The following B4GALT5 variants were observed in gnomAD, a reference collection of about 807,000 sequenced individuals.
The protein encoded by B4GALT5 is UDP-Gal:beta-GlcNAc beta-1,4-galactosyltransferase 5.
Under a neutral mutation model 45.0 loss-of-function variants are expected in B4GALT5, and 11 were observed. The observed-to-expected ratio is 0.24, with a 90% CI of 0.15 to 0.40. The LOEUF (loss-of-function observed/expected upper bound fraction) is 0.40, where lower values mean the gene tolerates loss of function less well. Ranked by LOEUF, B4GALT5 falls within the 10% of genes least tolerant of loss-of-function variation. The probability of loss-of-function intolerance (pLI) is 1.00; values close to 1 mark genes in which losing one functional copy is unlikely to be tolerated. For missense variants in B4GALT5, 337 were observed against 500.2 expected, an observed-to-expected ratio of 0.67 and a Z score of 3.11; for synonymous variants, 185 against 182.9, an observed-to-expected ratio of 1.01 and a Z score of -0.09.
chr20:49,689,736 G>A (rs982847390), intron 1 of B4GALT5, among the ~76,000 whole-genome samples: 1 of 152,022 alleles, frequency 6.6e-6, no homozygotes, highest in Non-Finnish European at 1.5e-5. Context: ...CAATGAATAG[G>A]TGTGCATTTG....
intron 1 of B4GALT5, among the ~76,000 whole-genome samples, chr20:49,680,187 A>G (rs1391231527): frequency 6.6e-6 from 1 of 152,192 alleles, no homozygotes; most frequent in African/African-American, 2.4e-5. Flanking sequence ...TTATTTTACT[A>G]GTAGCACAAA....
At chr20:49,687,965 A>C (rs1190388316) in intron 1 of B4GALT5, among the ~76,000 whole-genome samples, 1 of 152,158 alleles carries the variant, frequency 6.6e-6, no homozygotes. Context: ...ACAATCCGGA[A>C]GGGTAAACCC....
Position 49,637,440 on chromosome 20 carries a change from A to G in B4GALT5, c.920T>C (p.Val307Ala). The G allele has an allele frequency of 6.2e-7, 1 of 1,611,376 alleles. No homozygotes were observed. Among genetic ancestry groups the G allele is most frequent in the East Asian group, 2.2e-5 (1 of 44,866 alleles). ...GCTCACAGAATAGCCTGCATTCTGT[A>G]CTCTGTCCAAGACCAAGAGAACAGG... ...GGEDDDLWNR[V>A]QNAGYSVSRP... Residue 307 changes from valine (V) to alanine (A), a missense_variant and splice_region_variant, in exon 8 of 9, where the codon GTA (valine) becomes GCA (alanine). Transcript: ENST00000371711.
intron 1 of B4GALT5, among the ~76,000 whole-genome samples, chr20:49,707,816 G>C (rs2085890716): frequency 6.6e-6 from 1 of 151,198 alleles, no homozygotes; most frequent in African/African-American, 2.4e-5. Context: ...GTTTCACTAT[G>C]TTGCCCAGGA....
At chr20:49,706,596 T>C (rs1286063319) in intron 1 of B4GALT5, among the ~76,000 whole-genome samples, 2 of 152,172 alleles carry the variant, frequency 1.3e-5, no homozygotes, top group Non-Finnish European at 2.9e-5. Context: ...TTCCTCACAA[T>C]TTTCTACAAA....
chr20:49,713,362 G>A (rs2085928012), intron 1 of B4GALT5, among the ~76,000 whole-genome samples: 2 of 151,922 alleles, frequency 1.3e-5, no homozygotes, highest in South Asian at 4.1e-4. Context: ...GGGTGGGCCG[G>A]AGGCTGGCGC....
At chr20:49,664,469 C>CACTT (rs1555812184) in intron 1 of B4GALT5, among the ~76,000 whole-genome samples, 1 of 147,528 alleles carries the variant, frequency 6.8e-6, no homozygotes, top group East Asian at 2.0e-4. Context: ...CACACACACA[C>CACTT]ACTTTAGATT....
chr20:49,688,253 A>G (rs1335700344), intron 1 of B4GALT5, among the ~76,000 whole-genome samples: 2 of 152,162 alleles, frequency 1.3e-5, no homozygotes, highest in Non-Finnish European at 2.9e-5. Flanking sequence ...GAAGGCTGAA[A>G]CCAAGCAGAA....
intron 1 of B4GALT5, among the ~76,000 whole-genome samples, chr20:49,688,737 G>A (rs529766807): frequency 5.9e-5 from 9 of 152,064 alleles, no homozygotes; most frequent in African/African-American, 2.2e-4. Context: ...TCAGGAGTTC[G>A]AGACCAGCCT....
Position 49,640,467 on chromosome 20 carries a change from A to G in B4GALT5, c.794+11T>C, listed in dbSNP as rs1465872736. ...ATTTAACCTCTTTAATTAAGAAGAAATGATACTCACAGATACATATACTTA... is the reference window on the plus strand; with the variant it reads ...ATTTAACCTCTTTAATTAAGAAGAAGTGATACTCACAGATACATATACTTA... On this transcript the variant is annotated intron_variant, in intron 6 of 8. Coordinates refer to ENST00000371711, the MANE Select transcript of B4GALT5 (RefSeq NM_004776.4). The G allele has an allele frequency of 6.4e-7, 1 of 1,557,762 alleles. No homozygotes were observed. The highest frequency in any genetic ancestry group is 2.0e-5 in the Admixed American group (1 of 49,166).
chr20:49,644,179 G>A (rs2123000456), intron 3 of B4GALT5, among the ~76,000 whole-genome samples: 1 of 151,932 alleles, frequency 6.6e-6, no homozygotes, highest in Admixed American at 6.6e-5. Flanking sequence ...CACCCACCTG[G>A]GCCACCCAAA....
At chr20:49,693,774 C>T (rs997816287) in intron 1 of B4GALT5, among the ~76,000 whole-genome samples, 1 of 152,200 alleles carries the variant, frequency 6.6e-6, no homozygotes, top group African/African-American at 2.4e-5. Context: ...GAGAACAGTG[C>T]AAATGAGGTT....
rs1448533161 is a variant in B4GALT5 at position 49,635,727 on chromosome 20, A to G, written c.*585T>C. 2.6e-5 allele frequency: 4 copies of G among 152,650 alleles called. No homozygotes were observed. The highest frequency in any genetic ancestry group is 7.2e-5 in the African/African-American group (3 of 41,428). The allele number at this position is 152,650 out of a possible 1,614,324, so 9.5% of individuals were successfully genotyped here. On this transcript the variant is annotated 3_prime_UTR_variant, in exon 9 of 9. Transcript: ENST00000371711. ...TACTTCTTCAAGAAGTGATTGTTAT[A>G]TATTTATGTCTATTTATCTTTCCCA...
chr20:49,639,673 G>A lies in B4GALT5; in HGVS notation c.917+5C>T, dbSNP rs759902427. 3 of 1,613,224 alleles carry A rather than the reference G, an allele frequency of 1.9e-6. No individual in the cohort carries two copies. In the South Asian group the frequency reaches 3.3e-5, roughly 18 times the overall value. On this transcript the variant is annotated splice_donor_5th_base_variant and intron_variant, in intron 7 of 8. Coordinates refer to ENST00000371711, the MANE Select transcript of B4GALT5 (RefSeq NM_004776.4). ...TAGAAGACACCGAAAGAACGGCAGA[G>A]GTACCTGTTCCAGAGGTCGTCATCT...
chr20:49,637,970 G>A (rs2085561028), intron 7 of B4GALT5, among the ~76,000 whole-genome samples: 1 of 151,526 alleles, frequency 6.6e-6, no homozygotes, highest in East Asian at 1.9e-4. Context: ...TTACTTCCAG[G>A]GAATAAAATA....
intron 1 of B4GALT5, among the ~76,000 whole-genome samples, chr20:49,678,117 CA>C (rs1306925472): frequency 1.3e-5 from 2 of 152,184 alleles, no homozygotes; most frequent in African/African-American, 4.8e-5. Flanking sequence ...AAACAGCAAA[CA>C]AACTTTATTT....
intron 1 of B4GALT5, among the ~76,000 whole-genome samples, chr20:49,664,003 A>G (rs914982307): frequency 6.6e-6 from 1 of 152,042 alleles, no homozygotes; most frequent in Non-Finnish European, 1.5e-5. Context: ...CACATATTCA[A>G]TGCACCACCC....
In B4GALT5 at chr20:49,635,793, TA is replaced by T. The variant is rs1227890304; in HGVS notation, c.*518del. On this transcript the variant is annotated 3_prime_UTR_variant, in exon 9 of 9. Coordinates refer to ENST00000371711, the MANE Select transcript of B4GALT5 (RefSeq NM_004776.4). ...ACCCTCAATCCCCACCCAAAGAAGG[TA>T]ATTTTTTAAAAAAATGAAACCAAAG... The T allele has an allele frequency of 6.5e-6, 1 of 152,718 alleles. No homozygotes were observed. The highest frequency in any genetic ancestry group is 1.5e-5 in the Non-Finnish European group (1 of 68,358). 9.5% of individuals were successfully genotyped at this position (152,718 alleles called of 1,614,324 possible).
At chr20:49,672,787 C>G (rs1014610260) in intron 1 of B4GALT5, among the ~76,000 whole-genome samples, 1 of 151,970 alleles carries the variant, frequency 6.6e-6, no homozygotes, top group Non-Finnish European at 1.5e-5. Flanking sequence ...TGGCCTCGAC[C>G]TCCGCAAAGG....
Sources: gnomAD v4.1 joint callset for allele counts (sites outside exome capture counted in the v4.1 genomes callset) on GRCh38, gnomAD v4.1.1 for gene constraint, MANE v1.5 for transcripts, NCBI Gene and HGNC (gene_info 2026-07-23, HGNC 2026-07-21) for gene names.